The following COL4A2 variants were observed in gnomAD, a reference collection of about 807,000 sequenced individuals.
COL4A2 encodes the protein collagen type IV alpha 2 chain, also known as collagen alpha-2(IV) chain.
A neutral mutation model predicts 200.2 loss-of-function variants in COL4A2; 99 were observed. The observed-to-expected ratio is 0.49, with a 90% CI of 0.42 to 0.58. The LOEUF is 0.58. Ranked by LOEUF, COL4A2 falls within the 20% of genes least tolerant of loss-of-function variation. COL4A2 has a pLI of 0.00. For missense variants in COL4A2, 1,950 were observed against 2,314.1 expected (o/e 0.84, Z 3.23); for synonymous variants, 897 against 900.6 (o/e 1.00, Z 0.07).
Position 110,511,924 on chromosome 13 carries a change from C to T in COL4A2, c.4882-10C>T. The T allele has an allele frequency of 1.9e-6, 3 of 1,613,452 alleles. No homozygotes were observed. Among genetic ancestry groups the T allele is most frequent in the Non-Finnish European group, 2.5e-6 (3 of 1,180,016 alleles). Reference sequence around the variant, plus strand: ...ATTCCTAACCCTGTCCTGCCCCCCTCTCTGTGCAGCACACGGCGGCGGGAG... The same window carrying T: ...ATTCCTAACCCTGTCCTGCCCCCCTTTCTGTGCAGCACACGGCGGCGGGAG... On this transcript the variant is annotated splice_polypyrimidine_tract_variant and intron_variant, in intron 47 of 47. Transcript: ENST00000360467.
intron 4 of COL4A2, among the ~76,000 whole-genome samples, chr13:110,362,461 G>T (rs181737688): frequency 4.0e-5 from 6 of 151,420 alleles, no homozygotes; most frequent in South Asian, 2.1e-4. Flanking sequence ...CTATAGGCAT[G>T]CACCACCACA....
At chr13:110,319,632 G>C (rs1282229512) in intron 3 of COL4A2, among the ~76,000 whole-genome samples, 1 of 152,176 alleles carries the variant, frequency 6.6e-6, no homozygotes, top group African/African-American at 2.4e-5. Flanking sequence ...CCCTGAGGAA[G>C]ATTCCCGCTG....
In COL4A2 at chr13:110,417,316, G is replaced by A. The variant is rs142082521; in HGVS notation, c.181-7418G>A. Among the ~76,000 whole-genome samples, 331 of 152,200 alleles carry A rather than the reference G, an allele frequency of 2.2e-3. 1 individual carries two copies. The highest frequency in any genetic ancestry group is 7.7e-3 in the African/African-American group (319 of 41,522). ...TTTTTTTCCAAATGTCACTTTAAAG[G>A]TGTAGACTCTCCTTCCTTTTCGAAC... On this transcript the variant is annotated intron_variant, in intron 4 of 47. Coordinates refer to ENST00000360467, the MANE Select transcript of COL4A2 (RefSeq NM_001846.4).
chr13:110,375,407 C>T (rs148961826), intron 4 of COL4A2, among the ~76,000 whole-genome samples: 10 of 152,236 alleles, frequency 6.6e-5, no homozygotes, highest in South Asian at 2.1e-4. Context: ...AACAGTCATC[C>T]GCAAAATGAC....
In COL4A2 at chr13:110,424,737, C is replaced by A; in HGVS notation, c.184C>A (p.Gln62Lys). 6.2e-7 allele frequency: 1 copy of A among 1,601,284 alleles called. No homozygotes were observed. Among genetic ancestry groups the A allele is most frequent in the Non-Finnish European group, 8.5e-7 (1 of 1,171,182 alleles). Residue 62 changes from glutamine to lysine, a missense_variant, in exon 5 of 48, where the codon CAG becomes AAG. Gln to Lys is a moderately conservative substitution (Grantham distance 53, BLOSUM62 1). Transcript: ENST00000360467. ...QCYPEKGGRG[Q>K]PGPVGPQGYN... ...TGAACCTTTGTTGTTCCCACAGGGT[C>A]AGCCTGGGCCAGTGGGCCCCCAGGG...
At chr13:110,348,698 A>G (rs551791576) in intron 3 of COL4A2, among the ~76,000 whole-genome samples, 1 of 152,316 alleles carries the variant, frequency 6.6e-6, no homozygotes, top group South Asian at 2.1e-4. Flanking sequence ...TTAGCTTTCA[A>G]AAGGATGATA....
At chr13:110,343,382 A>G (rs1876548580) in intron 3 of COL4A2, among the ~76,000 whole-genome samples, 1 of 152,198 alleles carries the variant, frequency 6.6e-6, no homozygotes, top group African/African-American at 2.4e-5. Flanking sequence ...CAGGCAGAGA[A>G]AAAACTACCG....
intron 45 of COL4A2, among the ~76,000 whole-genome samples, chr13:110,505,153 A>G (rs111765708): frequency 0.02 from 2,954 of 151,482 alleles, 45 homozygotes; most frequent in South Asian, 0.071. Flanking sequence ...GATCGAGACC[A>G]TCCTGGCTAA....
intron 4 of COL4A2, among the ~76,000 whole-genome samples, chr13:110,387,320 G>T (rs759697857): frequency 6.6e-6 from 1 of 152,200 alleles, no homozygotes. Context: ...ATTTCCAAAG[G>T]CTGGAAGGAA....
At chr13:110,349,592 T>C (rs1376191043) in intron 3 of COL4A2, among the ~76,000 whole-genome samples, 2 of 152,236 alleles carry the variant, frequency 1.3e-5, no homozygotes, top group Non-Finnish European at 2.9e-5. Flanking sequence ...ATTCTGCATT[T>C]GATCCTGATA....
intron 4 of COL4A2, among the ~76,000 whole-genome samples, chr13:110,393,712 C>T (rs939601096): frequency 2.6e-5 from 4 of 152,010 alleles, no homozygotes; most frequent in African/African-American, 7.3e-5. Flanking sequence ...AACCCCAACT[C>T]TACTAAAAAT....
chr13:110,370,404 C>T (rs1205018443), intron 4 of COL4A2, among the ~76,000 whole-genome samples: 3 of 151,974 alleles, frequency 2.0e-5, no homozygotes, highest in African/African-American at 7.2e-5. Flanking sequence ...GCTGGGAGCC[C>T]GCCACCATGT....
chr13:110,511,466 T>C lies in COL4A2; in HGVS notation c.4882-468T>C, dbSNP rs569132851. 8.5e-5 allele frequency among the ~76,000 whole-genome samples: 13 copies of C among 152,332 alleles called. No homozygotes were observed. In the East Asian group the frequency reaches 2.5e-3, roughly 29 times the overall value. On this transcript the variant is annotated intron_variant, in intron 47 of 47. Coordinates refer to ENST00000360467, the MANE Select transcript of COL4A2 (RefSeq NM_001846.4). The stretch of plus-strand genomic sequence containing the variant: ...GAGCTGGGAGGCCTGGCTGGGTGAT[T>C]ATTTTTAACTTATTAGCCTCAGATG...
At chr13:110,486,097 G>A (rs1382525701) in intron 34 of COL4A2, among the ~76,000 whole-genome samples, 1 of 152,162 alleles carries the variant, frequency 6.6e-6, no homozygotes, top group Non-Finnish European at 1.5e-5. Context: ...CATTTTTCAT[G>A]GTGGCCTTGA....
chr13:110,438,113 C>A, intron 14 of COL4A2, 76 bp downstream of exon 14: 2 of 1,269,140 alleles, frequency 1.6e-6, no homozygotes, highest in Non-Finnish European at 2.3e-6. Flanking sequence ...TGACGGGGTG[C>A]ACCATGCGCT....
intron 3 of COL4A2, among the ~76,000 whole-genome samples, chr13:110,336,040 C>A (rs915073803): frequency 6.6e-6 from 1 of 152,218 alleles, no homozygotes; most frequent in African/African-American, 2.4e-5. Context: ...CCTTTCCCCC[C>A]AGAGCTGACA....
intron 40 of COL4A2, 102 bp downstream of exon 40, chr13:110,495,569 A>C: frequency 6.8e-7 from 1 of 1,460,722 alleles, no homozygotes; most frequent in Non-Finnish European, 9.1e-7. Context: ...GCTGTGCAGA[A>C]GTGCAGGAAA....
intron 28 of COL4A2, among the ~76,000 whole-genome samples, chr13:110,470,603 C>T (rs936293935): frequency 2.6e-5 from 4 of 152,156 alleles, no homozygotes; most frequent in African/African-American, 9.7e-5. Context: ...CCTTCTAGGA[C>T]CCCCACTTAT....
chr13:110,343,894 G>A (rs1876581273), intron 3 of COL4A2, among the ~76,000 whole-genome samples: 1 of 152,166 alleles, frequency 6.6e-6, no homozygotes, highest in Non-Finnish European at 1.5e-5. Flanking sequence ...ATAGCTTCAA[G>A]AGATGGACCC....
Sources: gnomAD v4.1 joint callset for allele counts (sites outside exome capture counted in the v4.1 genomes callset) on GRCh38, gnomAD v4.1.1 for gene constraint, MANE v1.5 for transcripts, NCBI Gene and HGNC (gene_info 2026-07-23, HGNC 2026-07-21) for gene names.